The following CDH4 variants were observed in gnomAD, a reference collection of about 807,000 sequenced individuals.
The protein encoded by CDH4 is cadherin 4.
Under a neutral mutation model 86.0 loss-of-function variants are expected in CDH4, and 33 were observed. The ratio of observed to expected loss-of-function variants is 0.38; its 90% CI spans 0.29 to 0.51. CDH4 has a LOEUF of 0.51. Ranked by LOEUF, CDH4 falls within the 20% of genes least tolerant of loss-of-function variation. CDH4 has a pLI of 0.86. For missense variants in CDH4, 1,114 were observed against 1,307.4 expected, an observed-to-expected ratio of 0.85 and a Z score of 2.28; for synonymous variants, 555 against 549.4, an observed-to-expected ratio of 1.01 and a Z score of -0.14.
In CDH4 at chr20:61,524,389, C is replaced by T. The variant is rs530639174; in HGVS notation, c.170-219174C>T. 2.2e-4 allele frequency among the ~76,000 whole-genome samples: 34 copies of T among 152,248 alleles called. No individual in the cohort carries two copies. In the East Asian group the frequency reaches 6.2e-3, roughly 28 times the overall value. ...TCGGCATCCTATTCCCGCATTCAAC[C>T]GTGGGCTTGGGTCATGATGCATGTC... On this transcript the variant is annotated intron_variant, in intron 2 of 15. Transcript: ENST00000614565.
chr20:61,623,636 G>A lies in CDH4; in HGVS notation c.170-119927G>A, dbSNP rs918439474. Among the ~76,000 whole-genome samples the A allele has an allele frequency of 2.6e-5, 4 of 152,204 alleles. No homozygotes were observed. Among genetic ancestry groups the A allele is most frequent in the African/African-American group, 9.7e-5 (4 of 41,446 alleles). ...CATCATTCGTGCAAAGTGCATCACA[G>A]CTGATTCTGAGGGAGGTTCTGACGT... On this transcript the variant is annotated intron_variant, in intron 2 of 15. Transcript: ENST00000614565. The surrounding 1 kb of genome is among the most constrained non-coding windows in gnomAD (Gnocchi z 4.4).
At position 61,657,998 on chromosome 20, in the gene CDH4, A is replaced by T. The variant is rs566957671; in HGVS notation, c.170-85565A>T. Among the ~76,000 whole-genome samples the T allele has an allele frequency of 4.7e-4, 71 of 152,250 alleles. No individual in the cohort carries two copies. The South Asian group carries it at 0.013, about 28-fold the overall frequency. ...TTATGACCCTTTACTGGAGGGAAGCAGAGTGGATTAAGGGAACAGGGCCCC... is the reference window on the plus strand; with the variant it reads ...TTATGACCCTTTACTGGAGGGAAGCTGAGTGGATTAAGGGAACAGGGCCCC... On this transcript the variant is annotated intron_variant, in intron 2 of 15. Transcript: ENST00000614565.
intron 2 of CDH4, among the ~76,000 whole-genome samples, chr20:61,467,519 G>A (rs761820823): frequency 5.3e-5 from 8 of 152,180 alleles, no homozygotes; most frequent in Non-Finnish European, 1.2e-4. Context: ...CACTTTGGGA[G>A]GCCAAGGCCG....
chr20:61,589,783 C>T (rs1057382241), intron 2 of CDH4, among the ~76,000 whole-genome samples: 15 of 150,940 alleles, frequency 9.9e-5, no homozygotes, highest in Non-Finnish European at 2.9e-5. Flanking sequence ...CTAACCTGCA[C>T]ATTGTGCACA....
chr20:61,426,754 C>T (rs888363481), intron 2 of CDH4, among the ~76,000 whole-genome samples: 4 of 152,216 alleles, frequency 2.6e-5, no homozygotes, highest in Non-Finnish European at 5.9e-5. Context: ...CCCGCAAATT[C>T]CTGCAGGGAA....
chr20:61,447,083 T>C (rs531967903), intron 2 of CDH4, among the ~76,000 whole-genome samples: 34 of 152,306 alleles, frequency 2.2e-4, no homozygotes, highest in Non-Finnish European at 4.0e-4. Context: ...TTACTAACCT[T>C]TTTGCCTACC....
At chr20:61,808,424 C>T (rs1323860523) in intron 4 of CDH4, among the ~76,000 whole-genome samples, 1 of 152,184 alleles carries the variant, frequency 6.6e-6, no homozygotes, top group East Asian at 1.9e-4. Flanking sequence ...TCACTCCGCC[C>T]TGCAGTCGGT....
intron 2 of CDH4, among the ~76,000 whole-genome samples, chr20:61,364,144 G>T (rs138903315): frequency 2.0e-5 from 3 of 152,162 alleles, no homozygotes; most frequent in Non-Finnish European, 4.4e-5. Flanking sequence ...GCAGATCCCC[G>T]ATTCCAGCTG....
At chr20:61,546,402 CGT>C (rs147778244) in intron 2 of CDH4, among the ~76,000 whole-genome samples, 2 of 150,126 alleles carry the variant, frequency 1.3e-5, no homozygotes, top group African/African-American at 4.9e-5. Flanking sequence ...CATGCATGTG[CGT>C]GTGTGTGTGT....
intron 2 of CDH4, among the ~76,000 whole-genome samples, chr20:61,553,740 G>A (rs530441317): frequency 1.7e-4 from 26 of 152,280 alleles, no homozygotes; most frequent in Admixed American, 1.4e-3. Flanking sequence ...AATTATTCTA[G>A]AGGGAACTGT....
chr20:61,652,938 A>ATTTTTATTTTTTTTTTTTTTTTTTTT (rs2087138479), intron 2 of CDH4, among the ~76,000 whole-genome samples: 1 of 97,398 alleles, frequency 1.0e-5, no homozygotes, highest in Non-Finnish European at 2.4e-5. Context: ...TTATTTATTT[A>ATTTTTATTTTTTTTTTTTTTTTTTTT]TTTTTTTTTT....
In CDH4 at chr20:61,631,268, C is replaced by T. The variant is rs149217180; in HGVS notation, c.170-112295C>T. Among the ~76,000 whole-genome samples the T allele has an allele frequency of 2.3e-3, 348 of 152,260 alleles. 1 individual carries two copies. Among genetic ancestry groups the T allele is most frequent in the African/African-American group, 7.9e-3 (330 of 41,542 alleles). On this transcript the variant is annotated intron_variant, in intron 2 of 15. Coordinates refer to ENST00000614565, the MANE Select transcript of CDH4 (RefSeq NM_001794.5). ...GTGCATGTCACCATAGTGCTGGGGACGCAGAGCTGTCCCGTTTGGAAGAAA... is the reference window on the plus strand; with the variant it reads ...GTGCATGTCACCATAGTGCTGGGGATGCAGAGCTGTCCCGTTTGGAAGAAA...
intron 2 of CDH4, among the ~76,000 whole-genome samples, chr20:61,337,449 A>G (rs145936546): frequency 6.5e-4 from 99 of 151,204 alleles, no homozygotes; most frequent in African/African-American, 2.2e-3. Flanking sequence ...ACAATGGATG[A>G]TGAGGAGAAG....
chr20:61,295,982 C>T (rs989831802), intron 2 of CDH4, among the ~76,000 whole-genome samples: 1 of 152,132 alleles, frequency 6.6e-6, no homozygotes, highest in African/African-American at 2.4e-5. Flanking sequence ...GTGGGAGGGT[C>T]TACCCCCGCT....
intron 2 of CDH4, among the ~76,000 whole-genome samples, chr20:61,385,886 A>C (rs1199635511): frequency 6.6e-6 from 1 of 152,102 alleles, no homozygotes; most frequent in African/African-American, 2.4e-5. Context: ...TGCACTTGGC[A>C]TTTGCTATGT....
intron 2 of CDH4, among the ~76,000 whole-genome samples, chr20:61,679,679 C>A (rs180983833): frequency 6.6e-6 from 1 of 152,326 alleles, no homozygotes; most frequent in Non-Finnish European, 1.5e-5. Flanking sequence ...CATCATCTTC[C>A]GCCACTGGTG....
At position 61,728,517 on chromosome 20, in the gene CDH4, G is replaced by A. The variant is rs375975332; in HGVS notation, c.170-15046G>A. 9.2e-5 allele frequency among the ~76,000 whole-genome samples: 14 copies of A among 152,288 alleles called. No homozygotes were observed. In the East Asian group the frequency reaches 2.5e-3, roughly 27 times the overall value. ...GAGGGTGGGGAGTGGCAGTGAGCCA[G>A]ATGCCCCCAGGTGAGCACTGGCCCA... On this transcript the variant is annotated intron_variant, in intron 2 of 15. Transcript: ENST00000614565.
At chr20:61,816,766 G>A (rs532948809) in intron 4 of CDH4, among the ~76,000 whole-genome samples, 1 of 152,264 alleles carries the variant, frequency 6.6e-6, no homozygotes, top group East Asian at 1.9e-4. Flanking sequence ...CACACCAGTG[G>A]GGCATGACCC....
At chr20:61,644,679 G>T (rs1165252562) in intron 2 of CDH4, among the ~76,000 whole-genome samples, 1 of 152,200 alleles carries the variant, frequency 6.6e-6, no homozygotes, top group African/African-American at 2.4e-5. Context: ...GGCCAGAGGG[G>T]CTTCTTCAAC....
Sources: gnomAD v4.1 joint callset for allele counts (sites outside exome capture counted in the v4.1 genomes callset) on GRCh38, gnomAD v4.1.1 for gene constraint, Gnocchi (gnomAD v3.1) non-coding constraint, MANE v1.5 for transcripts, NCBI Gene and HGNC (gene_info 2026-07-23, HGNC 2026-07-21) for gene names.